The following GUCY2C variants were observed in gnomAD, a reference collection of about 807,000 sequenced individuals.
GUCY2C encodes the protein guanylyl cyclase C.
A neutral mutation model predicts 131.1 loss-of-function variants in GUCY2C; 118 were observed. The observed-to-expected ratio is 0.90, with a 90% confidence interval of 0.78 to 1.05. GUCY2C has a LOEUF of 1.05. GUCY2C is among the 50% of genes least tolerant of loss of function. The probability of loss-of-function intolerance (pLI) is 0.00; values close to 1 mark genes in which losing one functional copy is unlikely to be tolerated. For synonymous variants in GUCY2C, 452 were observed against 457.8 expected, an observed-to-expected ratio of 0.99 and a Z score of 0.16; for missense variants, 1,161 against 1,304.4, an observed-to-expected ratio of 0.89 and a Z score of 1.69.
chr12:14,624,668 A>G (rs1175032199), intron 21 of GUCY2C, among the ~76,000 whole-genome samples: 1 of 152,228 alleles, frequency 6.6e-6, no homozygotes, highest in African/African-American at 2.4e-5. Context: ...AAATTTTTAC[A>G]TAAATAACCA....
At chr12:14,666,428 T>G (rs1947980830) in intron 10 of GUCY2C, among the ~76,000 whole-genome samples, 1 of 148,090 alleles carries the variant, frequency 6.8e-6, no homozygotes, top group Non-Finnish European at 1.5e-5. Context: ...GTTTGGAGAC[T>G]GTTTTCAATT....
intron 8 of GUCY2C, chr12:14,674,363 G>A: frequency 2.1e-6 from 1 of 487,164 alleles, no homozygotes. Flanking sequence ...GCCTTATGAT[G>A]AGCTTGTTCA....
rs145712137 is a variant in GUCY2C at position 14,669,827 on chromosome 12, C to A, written c.1177G>T (p.Val393Phe). 5 of 1,467,576 alleles carry A rather than the reference C, an allele frequency of 3.4e-6. No individual in the cohort carries two copies. The highest frequency in any genetic ancestry group is 1.7e-4 in the Middle Eastern group (1 of 5,728). 90.9% of individuals were successfully genotyped at this position (1,467,576 alleles called of 1,614,324 possible). The change falls in exon 10 of 27, where the codon GTT (valine) becomes TTT (phenylalanine). Residue 393 changes from valine (V) to phenylalanine (F), a missense_variant. Physicochemically the swap from Val to Phe is conservative, Grantham distance 50 (BLOSUM62 -1). Coordinates refer to ENST00000261170, the MANE Select transcript of GUCY2C (RefSeq NM_004963.4). ...YTSVDTKKYK[V>F]LLTYDTHVNK... The stretch of plus-strand genomic sequence containing the variant: ...ACGTGGGTATCATAGGTCAAAAGAA[C>A]CTTGTACTGTGTCAGGGCACAAAAA...
intron 14 of GUCY2C, 93 bp from the exon 15 acceptor site, chr12:14,651,604 T>A (rs1947660685): frequency 2.9e-6 from 2 of 700,232 alleles, no homozygotes; most frequent in Non-Finnish European, 5.2e-6. Flanking sequence ...TTGTTTCAGA[T>A]CTTTGAGAAG....
At chr12:14,644,740 C>CTTTTTTTTTTTTTT in intron 16 of GUCY2C, among the ~76,000 whole-genome samples, 1 of 108,660 alleles carries the variant, frequency 9.2e-6, no homozygotes, top group Non-Finnish European at 1.9e-5. Context: ...ATTCAGTTGT[C>CTTTTTTTTTTTTTT]TTTTTTTTTT....
intron 19 of GUCY2C, among the ~76,000 whole-genome samples, chr12:14,639,007 T>A (rs1947337722): frequency 6.6e-6 from 1 of 152,004 alleles, no homozygotes; most frequent in African/African-American, 2.4e-5. Flanking sequence ...AAATAGAGAA[T>A]GAGGCCAGGC....
intron 1 of GUCY2C, among the ~76,000 whole-genome samples, chr12:14,694,753 T>C (rs1227140628): frequency 6.6e-6 from 1 of 152,230 alleles, no homozygotes; most frequent in East Asian, 1.9e-4. Context: ...ACAGCTGCCC[T>C]ACTTCCACAG....
At chr12:14,672,757 T>C (rs560213516) in intron 9 of GUCY2C, 116 bp downstream of exon 9, 10 of 668,906 alleles carry the variant, frequency 1.5e-5, no homozygotes, top group Non-Finnish European at 2.5e-5. Flanking sequence ...TGAAATGAAC[T>C]GTCTTCAGAT....
chr12:14,623,557 C>T (rs1783563926), intron 21 of GUCY2C, among the ~76,000 whole-genome samples: 1 of 152,160 alleles, frequency 6.6e-6, no homozygotes, highest in African/African-American at 2.4e-5. Context: ...GGATATTCTG[C>T]CATATTTGCA....
At chr12:14,615,077 A>G (rs1946730284) in intron 25 of GUCY2C, 134 bp from the exon 26 acceptor site, 1 of 533,432 alleles carries the variant, frequency 1.9e-6, no homozygotes, top group Non-Finnish European at 3.3e-6. Flanking sequence ...ATTTAAGCAC[A>G]TCACACATTC....
chr12:14,669,944 A>C, intron 9 of GUCY2C, 111 bp from the exon 10 acceptor site: 46 of 538,556 alleles, frequency 8.5e-5, no homozygotes, highest in East Asian at 1.9e-4. Flanking sequence ...AACAATTCTC[A>C]GTGAAAAAAG....
intron 20 of GUCY2C, among the ~76,000 whole-genome samples, chr12:14,626,146 C>G (rs919060345): frequency 2.6e-5 from 4 of 152,124 alleles, no homozygotes. Context: ...TTGAGACCAG[C>G]CTGACCAACA....
At chr12:14,690,037 GAA>G (rs578030989) in intron 1 of GUCY2C, among the ~76,000 whole-genome samples, 166 of 152,256 alleles carry the variant, frequency 1.1e-3, no homozygotes, top group Middle Eastern at 6.8e-3. Flanking sequence ...AAAATTGCCA[GAA>G]AACCCCTTTG....
At position 14,639,845 on chromosome 12, in the gene GUCY2C, CG is replaced by C. The variant is rs752088400; in HGVS notation, c.2157+16del. 3 of 1,429,358 alleles carry C rather than the reference CG, an allele frequency of 2.1e-6. No homozygotes were observed. In the African/African-American group the frequency reaches 4.2e-5, roughly 20 times the overall value. 88.5% of individuals were successfully genotyped at this position (1,429,358 alleles called of 1,614,324 possible). ...TTATAGCAGGCCAAGGAAATGAATA[CG>C]GGAAGATATACTCACTTCTAGCTCT... On this transcript the variant is annotated intron_variant, in intron 19 of 26. Coordinates refer to ENST00000261170, the MANE Select transcript of GUCY2C (RefSeq NM_004963.4).
At chr12:14,661,360 C>T (rs1343984814) in intron 10 of GUCY2C, among the ~76,000 whole-genome samples, 1 of 152,026 alleles carries the variant, frequency 6.6e-6, no homozygotes, top group Non-Finnish European at 1.5e-5. Flanking sequence ...AGAGCACGTA[C>T]AAAAAAGTTG....
At chr12:14,615,017 G>T (rs1946728927) in intron 25 of GUCY2C, 74 bp from the exon 26 acceptor site, 2 of 705,930 alleles carry the variant, frequency 2.8e-6, no homozygotes, top group Admixed American at 3.3e-5. Flanking sequence ...TTTCCATAAT[G>T]ATCTGTTTCT....
intron 8 of GUCY2C, among the ~76,000 whole-genome samples, chr12:14,674,079 A>G (rs1948173345): frequency 6.6e-6 from 1 of 152,168 alleles, no homozygotes; most frequent in Non-Finnish European, 1.5e-5. Flanking sequence ...TTAGAGGAAA[A>G]TTTCTTCATA....
At chr12:14,685,309 A>G (rs904118768) in intron 3 of GUCY2C, among the ~76,000 whole-genome samples, 2 of 152,232 alleles carry the variant, frequency 1.3e-5, no homozygotes, top group South Asian at 2.1e-4. Context: ...AAAAGTGCTC[A>G]GTGAACCTGA....
chr12:14,624,228 G>A (rs1341645822), intron 21 of GUCY2C, among the ~76,000 whole-genome samples: 1 of 152,112 alleles, frequency 6.6e-6, no homozygotes, highest in Non-Finnish European at 1.5e-5. Flanking sequence ...ATCACCTGAG[G>A]TCAGGAGTTC....
Sources: allele counts gnomAD v4.1 joint callset (sites outside exome capture counted in the v4.1 genomes callset), GRCh38; gene constraint gnomAD v4.1.1; transcripts MANE v1.5; gene names NCBI Gene and HGNC (gene_info 2026-07-23, HGNC 2026-07-21).